PRKCE: variants seen among roughly 807,000 people sequenced by gnomAD.
The protein encoded by PRKCE is protein kinase C epsilon type.
Under a neutral mutation model 85.4 loss-of-function variants are expected in PRKCE, and 16 were observed. That is an observed-to-expected ratio of 0.19 (90% CI 0.13 to 0.28). The LOEUF (loss-of-function observed/expected upper bound fraction) is 0.28. Ranked by LOEUF, PRKCE falls within the 10% of genes least tolerant of loss-of-function variation. The probability of loss-of-function intolerance (pLI) is 1.00; values close to 1 mark genes in which losing one functional copy is unlikely to be tolerated. For missense variants in PRKCE, 573 were observed against 975.2 expected, an observed-to-expected ratio of 0.59 and a Z score of 5.49; for synonymous variants, 388 against 371.5, an observed-to-expected ratio of 1.04 and a Z score of -0.51.
intron 10 of PRKCE, among the ~76,000 whole-genome samples, chr2:46,021,257 T>C (rs2104876142): frequency 6.6e-6 from 1 of 152,076 alleles, no homozygotes. Context: ...AGTTGTGGAG[T>C]TCTTACTCTG....
chr2:45,732,441 A>T (rs953544610), intron 1 of PRKCE, among the ~76,000 whole-genome samples: 2 of 152,212 alleles, frequency 1.3e-5, no homozygotes, highest in Non-Finnish European at 2.9e-5. Context: ...AATGAAATAC[A>T]GTATTATTGG....
At chr2:45,874,306 C>T (rs1022386467) in intron 2 of PRKCE, among the ~76,000 whole-genome samples, 1 of 152,224 alleles carries the variant, frequency 6.6e-6, no homozygotes, top group Non-Finnish European at 1.5e-5. Context: ...GTTGTTGAAC[C>T]AGCTGCTGGT....
At chr2:45,993,606 C>G (rs1268686005) in intron 6 of PRKCE, among the ~76,000 whole-genome samples, 1 of 152,128 alleles carries the variant, frequency 6.6e-6, no homozygotes, top group East Asian at 1.9e-4. Flanking sequence ...AGCTAGTGGT[C>G]AAGTTATGTA....
At chr2:46,067,442 T>A (rs531904737) in intron 10 of PRKCE, among the ~76,000 whole-genome samples, 14 of 152,366 alleles carry the variant, frequency 9.2e-5, no homozygotes, top group African/African-American at 3.4e-4. Flanking sequence ...GAGTACCTGT[T>A]AGCCGAAGGC....
At chr2:45,782,396 T>A (rs6760686) in intron 1 of PRKCE, among the ~76,000 whole-genome samples, 48,285 of 152,002 alleles carry the variant, frequency 0.32, 12,442 homozygotes, top group African/African-American at 0.72. Flanking sequence ...GGTGTTGGGT[T>A]AGTCACTTCG....
At chr2:45,918,182 G>A (rs778925517) in intron 2 of PRKCE, among the ~76,000 whole-genome samples, 14 of 152,354 alleles carry the variant, frequency 9.2e-5, no homozygotes, top group Non-Finnish European at 1.8e-4. Context: ...CCCAGGCAGA[G>A]GAGGCACCGA....
intron 2 of PRKCE, among the ~76,000 whole-genome samples, chr2:45,916,667 G>C (rs1260237113): frequency 6.6e-6 from 1 of 152,140 alleles, no homozygotes; most frequent in Non-Finnish European, 1.5e-5. Context: ...TGATCTCTTA[G>C]ATTACAGTAC....
chr2:45,988,218 G>A (rs1703493831), intron 6 of PRKCE, among the ~76,000 whole-genome samples: 2 of 152,176 alleles, frequency 1.3e-5, no homozygotes. Context: ...TATGGCTTCA[G>A]CTTTTTTGCC....
intron 1 of PRKCE, among the ~76,000 whole-genome samples, chr2:45,823,763 G>T (rs1485327857): frequency 6.6e-6 from 1 of 152,202 alleles, no homozygotes; most frequent in African/African-American, 2.4e-5. Context: ...TGTTCCCTGG[G>T]CCCAGTTCCA....
At chr2:46,152,749 A>G (rs996069671) in intron 13 of PRKCE, among the ~76,000 whole-genome samples, 1 of 151,790 alleles carries the variant, frequency 6.6e-6, no homozygotes. Context: ...GGGTTTCGCC[A>G]TGTTGGCCAG....
At chr2:45,972,923 A>G (rs575894264) in intron 2 of PRKCE, among the ~76,000 whole-genome samples, 46 of 152,376 alleles carry the variant, frequency 3.0e-4, no homozygotes, top group African/African-American at 1.1e-3. Flanking sequence ...GTCATATGGA[A>G]CCATGAAAGA....
chr2:45,656,648 A>G (rs906168391), intron 1 of PRKCE, among the ~76,000 whole-genome samples: 13 of 152,240 alleles, frequency 8.5e-5, no homozygotes, highest in African/African-American at 3.1e-4. Flanking sequence ...ATAGATTTAT[A>G]TAGATCCATA....
chr2:45,852,647 T>C (rs1037829780), intron 2 of PRKCE, among the ~76,000 whole-genome samples: 3 of 152,178 alleles, frequency 2.0e-5, no homozygotes, highest in Non-Finnish European at 4.4e-5. Flanking sequence ...GGGCTTCTTC[T>C]AGCTCTATAG....
intron 2 of PRKCE, among the ~76,000 whole-genome samples, chr2:45,889,929 C>G (rs1695593586): frequency 6.6e-6 from 1 of 152,204 alleles, no homozygotes; most frequent in South Asian, 2.1e-4. Flanking sequence ...GCTCTTTAGG[C>G]TCAAATCCTC....
chr2:45,673,797 G>T (rs1676289642), intron 1 of PRKCE, among the ~76,000 whole-genome samples: 1 of 152,136 alleles, frequency 6.6e-6, no homozygotes, highest in Non-Finnish European at 1.5e-5. Flanking sequence ...AATATTCTAG[G>T]AGTTCATCCT....
At chr2:45,945,706 C>G (rs1005565218) in intron 2 of PRKCE, among the ~76,000 whole-genome samples, 1 of 152,242 alleles carries the variant, frequency 6.6e-6, no homozygotes, top group Non-Finnish European at 1.5e-5. Flanking sequence ...ACCCCTTCCT[C>G]AGAGAAGTTT....
chr2:45,851,337 T>G (rs1162935802), intron 2 of PRKCE, among the ~76,000 whole-genome samples: 1 of 152,240 alleles, frequency 6.6e-6, no homozygotes, highest in African/African-American at 2.4e-5. Flanking sequence ...GTTAGGCACT[T>G]TCTGTATGCT....
At chr2:45,904,817 C>A (rs546673339) in intron 2 of PRKCE, among the ~76,000 whole-genome samples, 11 of 152,316 alleles carry the variant, frequency 7.2e-5, no homozygotes, top group African/African-American at 2.6e-4. Flanking sequence ...TCCAGCCCTG[C>A]ATGGGACATT....
intron 10 of PRKCE, among the ~76,000 whole-genome samples, chr2:46,038,787 C>T (rs922848502): frequency 1.5e-4 from 22 of 151,666 alleles, no homozygotes; most frequent in African/African-American, 5.1e-4. Flanking sequence ...AATGATAAAA[C>T]GGAGCTCTTC....
Sources: gnomAD v4.1 joint callset for allele counts (sites outside exome capture counted in the v4.1 genomes callset) on GRCh38, gnomAD v4.1.1 for gene constraint, MANE v1.5 for transcripts, NCBI Gene and HGNC (gene_info 2026-07-23, HGNC 2026-07-21) for gene names.